Variants in PAK1 observed in about 807,000 individuals in gnomAD.
PAK1 encodes the protein serine/threonine-protein kinase PAK 1.
PAK1 carries 29 observed loss-of-function variants against 67.4 expected under a neutral mutation model. That is an observed-to-expected ratio of 0.43 (90% CI 0.32 to 0.59). The LOEUF is 0.59. PAK1 is among the 20% of genes least tolerant of loss of function. The pLI, the probability that PAK1 is intolerant of heterozygous loss-of-function variation, is 0.07. For missense variants in PAK1, 337 were observed against 670.7 expected, an observed-to-expected ratio of 0.50 and a Z score of 5.50; for synonymous variants, 223 against 237.4, an observed-to-expected ratio of 0.94 and a Z score of 0.56.
At chr11:77,335,035 C>T (rs907554453) in intron 13 of PAK1, among the ~76,000 whole-genome samples, 12 of 152,256 alleles carry the variant, frequency 7.9e-5, no homozygotes, top group African/African-American at 2.2e-4. Context: ...CCTCCTCCTT[C>T]GGGAAGCACA....
At chr11:77,460,868 G>A (rs1249067843) in intron 1 of PAK1, among the ~76,000 whole-genome samples, 3 of 152,090 alleles carry the variant, frequency 2.0e-5, no homozygotes, top group East Asian at 1.9e-4. Context: ...GGAGGGTGGG[G>A]GCAGAGAGGT....
chr11:77,399,204 T>C (rs1232883051), intron 1 of PAK1, among the ~76,000 whole-genome samples: 3 of 152,044 alleles, frequency 2.0e-5, no homozygotes, highest in African/African-American at 7.2e-5. Context: ...ATGAATAAAA[T>C]ATGACCTGAC....
the PAK1 span, among the ~76,000 whole-genome samples, chr11:77,527,990 C>T: frequency 0.23 from 34,821 of 151,906 alleles, 4,869 homozygotes; most frequent in East Asian, 0.38. Flanking sequence ...GCTGGGACTA[C>T]AGGCGAGTGC....
chr11:77,426,669 G>C (rs184694847), intron 1 of PAK1, among the ~76,000 whole-genome samples: 2 of 152,208 alleles, frequency 1.3e-5, no homozygotes, highest in East Asian at 3.9e-4. Context: ...ACATTCTACT[G>C]TGTCTCAGGC....
intron 1 of PAK1, among the ~76,000 whole-genome samples, chr11:77,438,425 T>C (rs562804442): frequency 2.6e-5 from 4 of 152,286 alleles, no homozygotes; most frequent in Non-Finnish European, 2.9e-5. Flanking sequence ...CCAGGACACA[T>C]ATCCAAACTG....
chr11:77,412,363 A>T (rs1002529105), intron 1 of PAK1, among the ~76,000 whole-genome samples: 9 of 152,158 alleles, frequency 5.9e-5, no homozygotes, highest in African/African-American at 2.2e-4. Context: ...CTAATGCTCC[A>T]GGAAGAATGC....
intron 14 of PAK1, among the ~76,000 whole-genome samples, chr11:77,324,774 C>CAGAG (rs1241205605): frequency 1.7e-4 from 21 of 120,552 alleles, no homozygotes; most frequent in African/African-American, 1.2e-3. Context: ...CACACACACA[C>CAGAG]ACAGAGAGAG....
chr11:77,354,879 T>G (rs1228584039), intron 7 of PAK1, among the ~76,000 whole-genome samples: 1 of 152,208 alleles, frequency 6.6e-6, no homozygotes, highest in Non-Finnish European at 1.5e-5. Context: ...CAGATCAACC[T>G]AGTTCTTCCT....
At chr11:77,393,358 A>C (rs1268666141) in intron 1 of PAK1, among the ~76,000 whole-genome samples, 1 of 151,672 alleles carries the variant, frequency 6.6e-6, no homozygotes, top group East Asian at 1.9e-4. Flanking sequence ...GCAGTGGTAC[A>C]ATCATAGCTC....
chr11:77,455,472 T>G (rs536410296), intron 1 of PAK1, among the ~76,000 whole-genome samples: 3 of 152,286 alleles, frequency 2.0e-5, no homozygotes, highest in East Asian at 3.9e-4. Context: ...AGCATAGTTC[T>G]CTATCTAGCA....
At chr11:77,355,240 C>T (rs1945845314) in intron 7 of PAK1, among the ~76,000 whole-genome samples, 1 of 152,096 alleles carries the variant, frequency 6.6e-6, no homozygotes, top group Non-Finnish European at 1.5e-5. Flanking sequence ...AAAATGTTAA[C>T]TTCCCTTCCC....
At chr11:77,357,955 A>G (rs1565611737) in intron 6 of PAK1, among the ~76,000 whole-genome samples, 1 of 151,484 alleles carries the variant, frequency 6.6e-6, no homozygotes, top group Admixed American at 6.6e-5. Context: ...AGTGTTAACG[A>G]CTCTCCAATT....
chr11:77,429,072 AAAAAAAAAAAAAAAAAAAAAAAC>A (rs1304667315), intron 1 of PAK1, among the ~76,000 whole-genome samples: 2 of 124,814 alleles, frequency 1.6e-5, no homozygotes, highest in African/African-American at 7.0e-5. Context: ...AAAAAAAAAA[AAAAAAAAAAAAAAAAAAAAAAAC>A]ACACACACAC....
intron 14 of PAK1, among the ~76,000 whole-genome samples, chr11:77,328,850 T>C (rs1213466769): frequency 2.0e-5 from 3 of 152,016 alleles, no homozygotes; most frequent in Non-Finnish European, 4.4e-5. Context: ...CAGGAGCTGG[T>C]TTTTTGAAAG....
At chr11:77,463,022 G>T in intron 1 of PAK1, among the ~76,000 whole-genome samples, 1 of 151,288 alleles carries the variant, frequency 6.6e-6, no homozygotes, top group Non-Finnish European at 1.5e-5. Context: ...TAGGAAAAAG[G>T]GTACTATGTT....
chr11:77,498,581 A>G, the PAK1 span, among the ~76,000 whole-genome samples: 7 of 151,932 alleles, frequency 4.6e-5, no homozygotes, highest in Non-Finnish European at 1.0e-4. Flanking sequence ...CCTGCCTTTG[A>G]AGGGCTCTCC....
At chr11:77,440,680 A>G (rs1404121440) in intron 1 of PAK1, among the ~76,000 whole-genome samples, 1 of 152,238 alleles carries the variant, frequency 6.6e-6, no homozygotes, top group East Asian at 1.9e-4. Flanking sequence ...AAAGAAAGAA[A>G]ACAGACAGTA....
In PAK1 at chr11:77,365,692, C is replaced by T. The variant is rs368198118; in HGVS notation, c.478-6675G>A. Among the ~76,000 whole-genome samples, 450 of 151,706 alleles carry T rather than the reference C, an allele frequency of 3.0e-3. 5 individuals carry two copies. The highest frequency in any genetic ancestry group is 0.011 in the African/African-American group (437 of 41,420). On this transcript the variant is annotated intron_variant, in intron 5 of 14. Transcript: ENST00000356341. ...TACTAAAAATACAAAAATTAGCTGG[C>T]TGTGGTGGCATGCACCTGAAATCCC... is the stretch of plus-strand genomic sequence containing the variant.
At chr11:77,512,615 CAATT>C in the PAK1 span, among the ~76,000 whole-genome samples, 1 of 152,120 alleles carries the variant, frequency 6.6e-6, no homozygotes. Context: ...TCAACTTTTT[CAATT>C]AATTGACCAA....
Sources: gnomAD v4.1 joint callset for allele counts (sites outside exome capture counted in the v4.1 genomes callset) on GRCh38, gnomAD v4.1.1 for gene constraint, MANE v1.5 for transcripts, NCBI Gene and HGNC (gene_info 2026-07-23, HGNC 2026-07-21) for gene names.